ROBO2: variants seen among roughly 807,000 people sequenced by gnomAD.
The protein encoded by ROBO2 is roundabout homolog 2.
In ROBO2, 53 loss-of-function variants were observed where a neutral mutation model predicts 160.8. The observed-to-expected ratio is 0.33, with a 90% CI of 0.26 to 0.41. The LOEUF (loss-of-function observed/expected upper bound fraction) is 0.41. ROBO2 is among the 10% of genes least tolerant of loss of function. ROBO2 has a pLI of 1.00. For synonymous variants in ROBO2, 664 were observed against 611.7 expected, an observed-to-expected ratio of 1.09 and a Z score of -1.26; for missense variants, 1,577 against 1,722.4, an observed-to-expected ratio of 0.92 and a Z score of 1.49.
rs111799202 is a variant in ROBO2 at position 77,392,425 on chromosome 3, C to G, written c.389-84989C>G. On this transcript the variant is annotated intron_variant, in intron 2 of 25. Coordinates refer to ENST00000461745, the Ensembl canonical transcript of ROBO2. ...CAAACTAGTTGTGAGCTCTGTTTTT[C>G]TTGCTGCAGGCAGAAAGTTTGCTGA... 7.4e-4 allele frequency among the ~76,000 whole-genome samples: 113 copies of G among 152,332 alleles called. No individual in the cohort carries two copies. The Middle Eastern group carries it at 0.014, about 18-fold the overall frequency.
At position 76,923,622 on chromosome 3, in the gene ROBO2, G is replaced by A. The variant is rs542489602; in HGVS notation, c.110-174392G>A. On this transcript the variant is annotated intron_variant, in intron 2 of 26. Transcript: ENST00000487694. ...TCTGGCTCATTGGCCAAGCTCATTG[G>A]CCAGGAATGAGGGAAAAGAGCAAGT... 2.0e-5 allele frequency among the ~76,000 whole-genome samples: 3 copies of A among 152,274 alleles called. No individual in the cohort carries two copies. The East Asian group carries it at 5.8e-4, about 29-fold the overall frequency.
chr3:77,622,456 A>G, intron 23 of ROBO2, 24 bp downstream of exon 24: 1 of 1,600,568 alleles, frequency 6.2e-7, no homozygotes, highest in Non-Finnish European at 8.6e-7. Flanking sequence ...TTTAATAGGA[A>G]AAACTGACCT....
chr3:75,935,139 T>C (rs1290565192), intron 1 of ROBO2, among the ~76,000 whole-genome samples: 4 of 152,186 alleles, frequency 2.6e-5, no homozygotes, highest in Non-Finnish European at 5.9e-5. Context: ...AGTGGTACTC[T>C]AATTATATCA....
intron 2 of ROBO2, among the ~76,000 whole-genome samples, chr3:77,419,520 A>G (rs2077531081): frequency 6.6e-6 from 1 of 152,164 alleles, no homozygotes; most frequent in Non-Finnish European, 1.5e-5. Context: ...ATAAATATGA[A>G]ATGATAGTGC....
intron 2 of ROBO2, among the ~76,000 whole-genome samples, chr3:76,110,440 T>C (rs2070175158): frequency 6.6e-6 from 1 of 152,124 alleles, no homozygotes; most frequent in African/African-American, 2.4e-5. Context: ...ACATGAGGCC[T>C]AATTATTGTT....
rs182369995 is a variant in ROBO2, at chr3:76,658,367, G to A, written c.110-439647G>A. ...TTTTTATTATTATACTTTAAGTTCTGGGACACATGTGCAGAACATGCAGGT... is the reference window on the plus strand; with the variant it reads ...TTTTTATTATTATACTTTAAGTTCTAGGACACATGTGCAGAACATGCAGGT... On this transcript the variant is annotated intron_variant, in intron 2 of 26. Coordinates refer to the ROBO2 transcript ENST00000487694. Among the ~76,000 whole-genome samples the A allele has an allele frequency of 3.1e-3, 464 of 151,684 alleles. 4 individuals are homozygous for A. The highest frequency in any genetic ancestry group is 0.011 in the African/African-American group (452 of 41,290).
At chr3:77,036,625 G>C (rs1427671557), upstream of ROBO2, among the ~76,000 whole-genome samples, 2 of 151,816 alleles carry the variant, frequency 1.3e-5, no homozygotes, top group African/African-American at 2.4e-5. Context: ...AAAATATATA[G>C]GCACATTTTG....
At chr3:77,037,286 G>A (rs555902340), upstream of ROBO2, among the ~76,000 whole-genome samples, 1 of 152,184 alleles carries the variant, frequency 6.6e-6, no homozygotes, top group South Asian at 2.1e-4. Flanking sequence ...TTGACTACAA[G>A]AAAAGCAGAA....
chr3:76,070,868 A>G (rs1319564947), intron 2 of ROBO2, among the ~76,000 whole-genome samples: 1 of 152,170 alleles, frequency 6.6e-6, no homozygotes, highest in African/African-American at 2.4e-5. Context: ...AAAGAGGGCT[A>G]TTGCTTTATT....
intron 2 of ROBO2, among the ~76,000 whole-genome samples, chr3:77,460,284 A>G (rs1311895576): frequency 6.6e-6 from 1 of 152,176 alleles, no homozygotes; most frequent in African/African-American, 2.4e-5. Flanking sequence ...GATACCATGT[A>G]CAAAGACAGG....
intron 2 of ROBO2, among the ~76,000 whole-genome samples, chr3:76,560,959 T>TATAG (rs1328693105): frequency 7.6e-5 from 10 of 131,844 alleles, no homozygotes; most frequent in African/African-American, 2.7e-4. Context: ...TATATATATA[T>TATAG]ATATATATAT....
chr3:75,912,779 T>G (rs1407562617), intron 1 of ROBO2, among the ~76,000 whole-genome samples: 1 of 152,200 alleles, frequency 6.6e-6, no homozygotes, highest in Non-Finnish European at 1.5e-5. Flanking sequence ...ATAATATGAT[T>G]GAAAGGGTAA....
At chr3:77,214,719 A>C (rs1348673238) in intron 2 of ROBO2, among the ~76,000 whole-genome samples, 1 of 152,088 alleles carries the variant, frequency 6.6e-6, no homozygotes, top group Non-Finnish European at 1.5e-5. Context: ...GGCTGGTACC[A>C]GTTATTCCTT....
chr3:76,477,533 T>G (rs2078991393), intron 2 of ROBO2, among the ~76,000 whole-genome samples: 1 of 152,152 alleles, frequency 6.6e-6, no homozygotes, highest in South Asian at 2.1e-4. Context: ...AATATTTCTG[T>G]CATTCAAAAA....
intron 1 of ROBO2, among the ~76,000 whole-genome samples, chr3:75,913,261 C>T (rs528229511): frequency 1.8e-4 from 27 of 152,290 alleles, no homozygotes; most frequent in African/African-American, 6.5e-4. Flanking sequence ...TTACTTTGGA[C>T]TCACATGGAT....
intron 2 of ROBO2, among the ~76,000 whole-genome samples, chr3:76,839,667 A>ATCATTCT (rs1312688080): frequency 6.6e-6 from 1 of 152,206 alleles, no homozygotes. Flanking sequence ...GTATCAGGGT[A>ATCATTCT]ACACTGGCAT....
chr3:76,553,218 G>C (rs964739274), intron 2 of ROBO2, among the ~76,000 whole-genome samples: 3 of 152,224 alleles, frequency 2.0e-5, no homozygotes, highest in African/African-American at 7.2e-5. Flanking sequence ...AGTGAGAAAG[G>C]GGTCAAAACT....
intron 2 of ROBO2, among the ~76,000 whole-genome samples, chr3:76,659,254 ATTTGTC>A (rs2091713780): frequency 6.7e-6 from 1 of 149,830 alleles, no homozygotes; most frequent in Non-Finnish European, 1.5e-5. Context: ...TATTATTACT[ATTTGTC>A]TTTGATATAT....
At chr3:76,752,092 G>C (rs891382452) in intron 2 of ROBO2, among the ~76,000 whole-genome samples, 7 of 152,042 alleles carry the variant, frequency 4.6e-5, no homozygotes, top group Admixed American at 1.3e-4. Flanking sequence ...CACATATACA[G>C]CATGGAATAC....
Sources: allele counts gnomAD v4.1 joint callset (sites outside exome capture counted in the v4.1 genomes callset), GRCh38; gene constraint gnomAD v4.1.1; transcripts MANE v1.5; gene names NCBI Gene and HGNC (gene_info 2026-07-23, HGNC 2026-07-21).